The following DPYD variants were observed in gnomAD, a reference collection of about 807,000 sequenced individuals.
DPYD encodes dihydropyrimidine dehydrogenase, also known as dihydropyrimidine dehydrogenase [NADP(+)].
Under a neutral mutation model 116.2 loss-of-function variants are expected in DPYD, and 109 were observed. The observed-to-expected ratio is 0.94, with a 90% CI of 0.80 to 1.10. The LOEUF (loss-of-function observed/expected upper bound fraction) is 1.10, where lower values mean the gene tolerates loss of function less well. DPYD is among the 50% of genes least tolerant of loss of function. DPYD has a pLI of 0.00. For missense variants in DPYD, 1,302 were observed against 1,254.5 expected, an observed-to-expected ratio of 1.04 and a Z score of -0.57; for synonymous variants, 440 against 432.0, an observed-to-expected ratio of 1.02 and a Z score of -0.23.
chr1:97,724,233 T>C (rs886321010), intron 4 of DPYD, among the ~76,000 whole-genome samples: 3 of 151,120 alleles, frequency 2.0e-5, no homozygotes, highest in Non-Finnish European at 4.4e-5. Flanking sequence ...AAAAGAATGT[T>C]CACTGCATTA....
intron 20 of DPYD, among the ~76,000 whole-genome samples, chr1:97,172,758 T>C (rs1656823905): frequency 6.6e-6 from 1 of 152,176 alleles, no homozygotes; most frequent in South Asian, 2.1e-4. Flanking sequence ...GGAGAAGGAA[T>C]TAATTATCCA....
intron 3 of DPYD, among the ~76,000 whole-genome samples, chr1:97,808,576 T>C (rs12568335): frequency 0.46 from 70,366 of 151,848 alleles, 18,566 homozygotes; most frequent in East Asian, 0.7. Context: ...TGGACAAATG[T>C]AGTTTCATTT....
At chr1:97,502,531 T>C (rs1368911385) in intron 13 of DPYD, among the ~76,000 whole-genome samples, 1 of 151,978 alleles carries the variant, frequency 6.6e-6, no homozygotes, top group Non-Finnish European at 1.5e-5. Context: ...AGAGAAGCCA[T>C]TGAAATGTTT....
intron 20 of DPYD, among the ~76,000 whole-genome samples, chr1:97,142,468 G>A (rs1654299231): frequency 6.6e-6 from 1 of 151,980 alleles, no homozygotes; most frequent in African/African-American, 2.4e-5. Context: ...GAAGAGAAAT[G>A]AAAAGAAAAA....
intron 8 of DPYD, among the ~76,000 whole-genome samples, chr1:97,606,575 T>C (rs1466906418): frequency 1.3e-5 from 2 of 150,318 alleles, no homozygotes; most frequent in Non-Finnish European, 3.0e-5. Context: ...ATGAGGGGAG[T>C]AGATAGGAGG....
At chr1:97,407,012 C>T (rs1225538252) in intron 14 of DPYD, among the ~76,000 whole-genome samples, 4 of 152,252 alleles carry the variant, frequency 2.6e-5, no homozygotes, top group Admixed American at 1.3e-4. Context: ...TTCAATGGCA[C>T]ATAAAGAGCT....
At chr1:97,606,733 A>G (rs1655623859) in intron 8 of DPYD, among the ~76,000 whole-genome samples, 3 of 152,064 alleles carry the variant, frequency 2.0e-5, no homozygotes, top group Non-Finnish European at 4.4e-5. Flanking sequence ...TAGCAAGGAC[A>G]AATTGGTAGT....
chr1:97,809,441 C>T (rs560573730), intron 3 of DPYD, among the ~76,000 whole-genome samples: 6 of 152,284 alleles, frequency 3.9e-5, no homozygotes, highest in South Asian at 2.1e-4. Flanking sequence ...CCAGCAATTA[C>T]GGTGGCTTGG....
chr1:97,118,349 C>T (rs749002444), intron 20 of DPYD, among the ~76,000 whole-genome samples: 73 of 152,172 alleles, frequency 4.8e-4, no homozygotes, highest in Middle Eastern at 3.4e-3. Context: ...CCCACCCTGT[C>T]GTTAACCTTC....
intron 5 of DPYD, among the ~76,000 whole-genome samples, chr1:97,714,096 T>C (rs1395961235): frequency 1.3e-5 from 2 of 152,176 alleles, no homozygotes; most frequent in Non-Finnish European, 2.9e-5. Context: ...GCTAGGTTTA[T>C]TCCTAAATTT....
chr1:97,218,699 A>G (rs115158743), intron 19 of DPYD, among the ~76,000 whole-genome samples: 13 of 152,172 alleles, frequency 8.5e-5, no homozygotes, highest in African/African-American at 2.6e-4. Context: ...TCAGAAGTAC[A>G]TCAACACAAG....
At chr1:97,092,726 T>C (rs1003010026) in intron 21 of DPYD, among the ~76,000 whole-genome samples, 1 of 152,144 alleles carries the variant, frequency 6.6e-6, no homozygotes, top group South Asian at 2.1e-4. Flanking sequence ...AAGTTTTTCA[T>C]GCTACACCCC....
At chr1:97,715,117 T>C (rs1662537078) in intron 5 of DPYD, among the ~76,000 whole-genome samples, 1 of 152,122 alleles carries the variant, frequency 6.6e-6, no homozygotes, top group African/African-American at 2.4e-5. Context: ...TAGCTGTGAT[T>C]TTGTAATCAC....
intron 2 of DPYD, among the ~76,000 whole-genome samples, chr1:97,840,114 AC>A (rs1308239498): frequency 6.6e-6 from 1 of 152,178 alleles, no homozygotes; most frequent in Non-Finnish European, 1.5e-5. Flanking sequence ...ATTAAGAATA[AC>A]CAAAAAATGA....
intron 11 of DPYD, among the ~76,000 whole-genome samples, chr1:97,564,665 CCT>C (rs1458175736): frequency 6.6e-6 from 1 of 152,120 alleles, no homozygotes; most frequent in Non-Finnish European, 1.5e-5. Flanking sequence ...ACTATAAACA[CCT>C]GTTTACCTCC....
chr1:97,878,491 C>T (rs936551311), intron 2 of DPYD, among the ~76,000 whole-genome samples: 3 of 151,998 alleles, frequency 2.0e-5, no homozygotes, highest in African/African-American at 7.2e-5. Flanking sequence ...CACAAGACCT[C>T]AAATAATCCA....
intron 1 of DPYD, among the ~76,000 whole-genome samples, chr1:97,912,204 C>T (rs935094502): frequency 3.3e-5 from 5 of 151,976 alleles, no homozygotes; most frequent in African/African-American, 9.7e-5. Context: ...CAAACGAGAA[C>T]GGCAGAACCA....
rs2102015479 is a variant in DPYD at position 97,528,927 on chromosome 1, T to C, written c.1525-12986A>G. 1.3e-5 allele frequency among the ~76,000 whole-genome samples: 2 copies of C among 152,284 alleles called. 1 individual carries two copies. The highest frequency in any genetic ancestry group is 4.1e-4 in the South Asian group (2 of 4,832). On this transcript the variant is annotated intron_variant, in intron 12 of 22. Transcript: ENST00000370192. ...AACTTTTCATTAGTTTTTCATTGGA[T>C]TTTGTTAATATTCAACTTTTCATGA...
At chr1:97,338,557 C>T (rs2101209586) in intron 16 of DPYD, among the ~76,000 whole-genome samples, 1 of 152,238 alleles carries the variant, frequency 6.6e-6, no homozygotes. Flanking sequence ...AGGAGGTTGC[C>T]TCATGCGGCT....
Sources: allele counts gnomAD v4.1 joint callset (sites outside exome capture counted in the v4.1 genomes callset), GRCh38; gene constraint gnomAD v4.1.1; transcripts MANE v1.5; gene names NCBI Gene and HGNC (gene_info 2026-07-23, HGNC 2026-07-21).